TKT: variants seen among roughly 807,000 people sequenced by gnomAD.
The protein encoded by TKT is transketolase.
TKT carries 47 observed loss-of-function variants against 63.9 expected under a neutral mutation model. That is an observed-to-expected ratio of 0.74 (90% CI 0.58 to 0.94). TKT has a LOEUF of 0.94. Ranked by LOEUF, TKT falls within the 40% of genes least tolerant of loss-of-function variation. The pLI is 0.00. For missense variants in TKT, 721 were observed against 846.2 expected (o/e 0.85, Z 1.84); for synonymous variants, 338 against 334.1 (o/e 1.01, Z -0.13).
chr3:53,231,222 A>G, intron 7 of TKT, 135 bp downstream of exon 7: 1 of 975,346 alleles, frequency 1.0e-6, no homozygotes, highest in Non-Finnish European at 1.5e-6. Flanking sequence ...TGACAGGAAC[A>G]ACACCTCAGG....
chr3:53,235,350 C>G (rs1303001225), intron 4 of TKT, 176 bp from the exon 5 acceptor site: 7 of 536,780 alleles, frequency 1.3e-5, no homozygotes, highest in South Asian at 6.3e-5. Flanking sequence ...CTGCAGCCTA[C>G]CACAAGCCAC....
intron 1 of TKT, among the ~76,000 whole-genome samples, chr3:53,255,214 G>C (rs576301521): frequency 2.0e-5 from 3 of 152,210 alleles, no homozygotes; most frequent in African/African-American, 7.2e-5. Context: ...ACCCAACCCA[G>C]GGGTGGCAGG....
At chr3:53,234,729 G>A (rs559620822) in intron 5 of TKT, 19 of 388,012 alleles carry the variant, frequency 4.9e-5, no homozygotes, top group African/African-American at 3.1e-4. Context: ...GATGGTGTGT[G>A]GAAGCTCCGA....
intron 1 of TKT, among the ~76,000 whole-genome samples, chr3:53,249,640 G>A (rs1350371683): frequency 6.6e-6 from 1 of 152,130 alleles, no homozygotes; most frequent in Non-Finnish European, 1.5e-5. Flanking sequence ...GGAAGTTCTT[G>A]GGCGTCCACA....
intron 7 of TKT, among the ~76,000 whole-genome samples, 195 bp from the exon 8 acceptor site, chr3:53,230,816 C>T (rs984599207): frequency 2.0e-4 from 2 of 10,068 alleles, no homozygotes; most frequent in Admixed American, 5.5e-3. Context: ...CCCCTGGAGC[C>T]CCGGCCCCTT....
chr3:53,232,364 A>G (rs1442068912), intron 6 of TKT: 4 of 398,530 alleles, frequency 1.0e-5, no homozygotes, highest in Non-Finnish European at 1.3e-5. Context: ...CCAAACCCCC[A>G]CTCAGAACAT....
At chr3:53,227,782 A>G in intron 12 of TKT, 1 of 376,116 alleles carries the variant, frequency 2.7e-6, no homozygotes, top group African/African-American at 2.1e-5. Context: ...GGCAGGCTCC[A>G]GGCCACTGAT....
At chr3:53,248,604 C>T (rs868929474) in intron 1 of TKT, among the ~76,000 whole-genome samples, 2 of 151,024 alleles carry the variant, frequency 1.3e-5, no homozygotes, top group Non-Finnish European at 2.9e-5. Flanking sequence ...ACTCCAGCTT[C>T]GGGACACAGT....
chr3:53,235,025 T>G lies in TKT; in HGVS notation c.587A>C (p.Gln196Pro). The change falls in exon 5 of 14, where the codon CAG (glutamine) becomes CCG (proline). Residue 196 changes from glutamine (Q) to proline (P), a missense_variant. By Grantham distance (76) the Gln-to-Pro change is moderately conservative. Transcript: ENST00000462138. ...CTTCTGGTAGATGTCCATCTGGTGC[T>G]GCAGTGGGGCCGGGTCACTCTGGCC... ...RLGQSDPAPLQHQMDIYQKRC... is the reference protein window; with the variant it reads ...RLGQSDPAPLPHQMDIYQKRC... 1 of 1,613,948 alleles carries G rather than the reference T, an allele frequency of 6.2e-7. No individual in the cohort carries two copies. The highest frequency in any genetic ancestry group is 2.2e-5 in the East Asian group (1 of 44,886).
chr3:53,251,313 C>T (rs562561557), intron 1 of TKT, among the ~76,000 whole-genome samples: 1 of 152,238 alleles, frequency 6.6e-6, no homozygotes, highest in Non-Finnish European at 1.5e-5. Flanking sequence ...CTGGTGAGAA[C>T]TGAGAAATCT....
At chr3:53,255,812 C>T (rs1553682194) in intron 1 of TKT, 24 bp downstream of exon 1, 1 of 1,450,994 alleles carries the variant, frequency 6.9e-7, no homozygotes, top group Admixed American at 2.4e-5. Flanking sequence ...CGAGCCGCGT[C>T]CCCGGCCGGC....
intron 12 of TKT, chr3:53,227,808 G>C (rs1216743532): frequency 1.8e-5 from 8 of 435,092 alleles, no homozygotes; most frequent in Non-Finnish European, 3.3e-5. Flanking sequence ...CACCATGCTG[G>C]GGGGGTCTCG....
In TKT at chr3:53,230,486, T is replaced by C; in HGVS notation, c.1078A>G (p.Ile360Val). The C allele has an allele frequency of 6.2e-7, 1 of 1,614,228 alleles. No homozygotes were observed. Among genetic ancestry groups the C allele is most frequent in the Non-Finnish European group, 8.5e-7 (1 of 1,180,028 alleles). The change falls in exon 8 of 14, where the codon ATC becomes GTC. Residue 360 changes from isoleucine to valine, a missense_variant. Ile to Val is a conservative substitution (Grantham distance 29). Transcript: ENST00000462138. ...IFKKEHPDRF[I>V]ECYIAEQNMV... is the part of the protein sequence containing the mutation. ...TTCTGCTCAGCAATGTAGCACTCGA[T>C]GAAGCGGTCCGGGTGCTCCTTTTTG...
intron 4 of TKT, among the ~76,000 whole-genome samples, chr3:53,236,471 G>A (rs1304817177): frequency 6.6e-6 from 1 of 152,210 alleles, no homozygotes; most frequent in African/African-American, 2.4e-5. Context: ...ATGGCCAGAA[G>A]GACAAAGCCT....
At chr3:53,246,219 G>A (rs1553680860) in intron 1 of TKT, among the ~76,000 whole-genome samples, 1 of 152,086 alleles carries the variant, frequency 6.6e-6, no homozygotes, top group African/African-American at 2.4e-5. Context: ...AGTGAATCAA[G>A]ATCGTGCCAT....
intron 1 of TKT, among the ~76,000 whole-genome samples, chr3:53,246,537 T>C (rs1264336021): frequency 6.6e-6 from 1 of 152,186 alleles, no homozygotes; most frequent in Non-Finnish European, 1.5e-5. Flanking sequence ...TTGATTTATG[T>C]ACAAGTCTTT....
chr3:53,232,382 T>C (rs527967575), intron 6 of TKT: 2 of 398,762 alleles, frequency 5.0e-6, no homozygotes, highest in East Asian at 7.1e-5. Context: ...CATCCTCATA[T>C]ACCTGAGTCT....
chr3:53,230,788 C>T (rs563966175), intron 7 of TKT, among the ~76,000 whole-genome samples, 167 bp from the exon 8 acceptor site: 54 of 150,084 alleles, frequency 3.6e-4, no homozygotes, highest in Admixed American at 1.3e-3. Context: ...CCAACGACTA[C>T]GGTCAATGTC....
At position 53,241,135 on chromosome 3, in the gene TKT, G is replaced by A. The variant is rs1553679741; in HGVS notation, c.336C>T (p.Val112=). 1 of 1,555,516 alleles carries A rather than the reference G, an allele frequency of 6.4e-7. No individual in the cohort carries two copies. Among genetic ancestry groups the A allele is most frequent in the East Asian group, 2.5e-5 (1 of 40,440 alleles). The change falls in exon 3 of 14, where the codon GTC becomes GTT. Residue 112 remains valine (V), a synonymous_variant. Transcript: ENST00000462138. ...AGGCTCTGGCAGGAGCACTTACCGG[G>A]ACCGGGTGCCCGTCCAAGTCGGAGC... ...KISSDLDGHP[V]PKQAFTDVAT...
Sources: allele counts gnomAD v4.1 joint callset (sites outside exome capture counted in the v4.1 genomes callset), GRCh38; gene constraint gnomAD v4.1.1; transcripts MANE v1.5; gene names NCBI Gene and HGNC (gene_info 2026-07-23, HGNC 2026-07-21).